CACNA2D3: variants seen among roughly 807,000 people sequenced by gnomAD.
The protein encoded by CACNA2D3 is voltage-dependent calcium channel subunit alpha-2/delta-3.
Under a neutral mutation model 160.6 loss-of-function variants are expected in CACNA2D3, and 60 were observed. That is an observed-to-expected ratio of 0.37 (90% CI 0.30 to 0.46). The LOEUF (loss-of-function observed/expected upper bound fraction) is 0.46. CACNA2D3 is among the 20% of genes least tolerant of loss of function. The pLI, the probability that CACNA2D3 is intolerant of heterozygous loss-of-function variation, is 1.00. For synonymous variants in CACNA2D3, 558 were observed against 492.9 expected (o/e 1.13, Z -1.75); for missense variants, 1,205 against 1,365.0 (o/e 0.88, Z 1.85).
chr3:54,245,325 G>T (rs1284500785), intron 2 of CACNA2D3, among the ~76,000 whole-genome samples: 1 of 152,026 alleles, frequency 6.6e-6, no homozygotes, highest in East Asian at 1.9e-4. Flanking sequence ...GTGTGTGTGT[G>T]TGGGAGAGAG....
At chr3:54,456,579 G>A (rs1304192523) in intron 4 of CACNA2D3, among the ~76,000 whole-genome samples, 1 of 151,784 alleles carries the variant, frequency 6.6e-6, no homozygotes, top group Non-Finnish European at 1.5e-5. Flanking sequence ...TTTGGTTGGT[G>A]TTGTGTCCTT....
chr3:54,363,185 C>G (rs983935289), intron 3 of CACNA2D3, among the ~76,000 whole-genome samples: 1 of 150,346 alleles, frequency 6.7e-6, no homozygotes, highest in South Asian at 2.1e-4. Context: ...TAGAGCGAGA[C>G]TCCATCTCCA....
intron 34 of CACNA2D3, among the ~76,000 whole-genome samples, chr3:55,012,513 T>C (rs1703231827): frequency 6.6e-6 from 1 of 152,144 alleles, no homozygotes; most frequent in South Asian, 2.1e-4. Context: ...ACCACAGACA[T>C]CTAGTCATAC....
chr3:54,479,862 A>G (rs879501448), intron 4 of CACNA2D3, among the ~76,000 whole-genome samples: 1 of 152,238 alleles, frequency 6.6e-6, no homozygotes, highest in Admixed American at 6.5e-5. Flanking sequence ...TTTTACAGGT[A>G]TTCATTTAAG....
intron 4 of CACNA2D3, among the ~76,000 whole-genome samples, chr3:54,430,431 A>C (rs536497565): frequency 6.6e-6 from 1 of 152,228 alleles, no homozygotes; most frequent in Non-Finnish European, 1.5e-5. Flanking sequence ...AAGATTGCCC[A>C]TGGATTATTT....
At chr3:54,127,270 A>C (rs75671542) in intron 2 of CACNA2D3, among the ~76,000 whole-genome samples, 1,577 of 152,344 alleles carry the variant, frequency 0.01, 16 homozygotes, top group African/African-American at 0.033. Context: ...TGGACGCCTC[A>C]TGGAGCACTT....
chr3:54,123,410 G>T, intron 1 of CACNA2D3, 103 bp from the exon 2 acceptor site: 1 of 817,038 alleles, frequency 1.2e-6, no homozygotes, highest in Non-Finnish European at 2.2e-6. Context: ...ATGTTACATC[G>T]CACTGCTCCT....
rs1016852793 is a variant in CACNA2D3, at chr3:54,170,859, A to G, written c.204+47265A>G. ...TTTTATTATTTTGCCATGCCAATAG[A>G]TTCCAGTCATTCTCTAGGCTTTGTC... On this transcript the variant is annotated intron_variant, in intron 2 of 37. Transcript: ENST00000474759. 2.0e-5 allele frequency among the ~76,000 whole-genome samples: 3 copies of G among 152,156 alleles called. No homozygotes were observed. The East Asian group carries it at 5.8e-4, about 29-fold the overall frequency.
At position 54,386,764 on chromosome 3, in the gene CACNA2D3, C is replaced by T. The variant is rs1376977474; in HGVS notation, c.371C>T (p.Ala124Val). 1.3e-6 allele frequency: 2 copies of T among 1,590,042 alleles called. No homozygotes were observed. The highest frequency in any genetic ancestry group is 1.7e-5 in the Admixed American group (1 of 57,350). ...EEAHLKHEFD[A>V]DLQYEYFNAV... ...GCACACCTGAAACATGAATTTGATG[C>T]AGACTTACAGGTAACTGATTATAGT... is the stretch of plus-strand genomic sequence containing the variant. Residue 124 changes from alanine to valine, a missense_variant, in exon 4 of 38, where the codon GCA becomes GTA. Transcript: ENST00000474759.
chr3:54,540,786 A>G (rs1396676093), intron 5 of CACNA2D3, among the ~76,000 whole-genome samples: 1 of 152,130 alleles, frequency 6.6e-6, no homozygotes, highest in Admixed American at 6.5e-5. Context: ...CCCATCTCCT[A>G]GTACCATCAC....
At chr3:54,809,240 CCCTCTCTCTT>C (rs903212008) in intron 13 of CACNA2D3, among the ~76,000 whole-genome samples, 2 of 149,992 alleles carry the variant, frequency 1.3e-5, no homozygotes, top group Admixed American at 6.7e-5. Flanking sequence ...CTCTTTCTCT[CCCTCTCTCTT>C]CCTTTCTTCC....
rs1703697561 is a variant in CACNA2D3, at chr3:54,309,870, C to T, written c.205-10572C>T. 2.0e-5 allele frequency among the ~76,000 whole-genome samples: 3 copies of T among 152,108 alleles called. 1 individual carries two copies. The South Asian group carries it at 6.2e-4, about 32-fold the overall frequency. ...AATCCCTCAAGCCGGATCCATTTGC[C>T]ACATTGAGCCCTGAAGAAGTAGGGG... On this transcript the variant is annotated intron_variant, in intron 2 of 37. Transcript: ENST00000474759.
At chr3:54,938,813 C>T (rs1002433164) in intron 27 of CACNA2D3, among the ~76,000 whole-genome samples, 3 of 152,132 alleles carry the variant, frequency 2.0e-5, no homozygotes, top group Non-Finnish European at 2.9e-5. Context: ...CCATGGCTTG[C>T]GCTAGAAATA....
At chr3:54,393,110 G>GCA (rs1559469409) in intron 4 of CACNA2D3, among the ~76,000 whole-genome samples, 25 of 152,164 alleles carry the variant, frequency 1.6e-4, no homozygotes, top group South Asian at 8.3e-4. Context: ...GAAGGGAAGC[G>GCA]CCTTGCTTCT....
At chr3:54,143,477 C>T (rs915907976) in intron 2 of CACNA2D3, among the ~76,000 whole-genome samples, 21 of 152,148 alleles carry the variant, frequency 1.4e-4, no homozygotes, top group African/African-American at 5.1e-4. Flanking sequence ...TTATTCTGGC[C>T]TTGTCATTGT....
intron 2 of CACNA2D3, among the ~76,000 whole-genome samples, chr3:54,144,865 T>G (rs996284153): frequency 1.3e-5 from 2 of 152,224 alleles, no homozygotes; most frequent in Non-Finnish European, 2.9e-5. Context: ...TTTTACTGTT[T>G]ATTCCAACCT....
intron 2 of CACNA2D3, among the ~76,000 whole-genome samples, chr3:54,139,965 C>T (rs899153710): frequency 1.3e-5 from 2 of 152,158 alleles, no homozygotes; most frequent in Non-Finnish European, 1.5e-5. Context: ...GGAAGCTGGC[C>T]GTGGGTTCGA....
At chr3:54,417,227 A>G (rs975770243) in intron 4 of CACNA2D3, among the ~76,000 whole-genome samples, 2 of 152,212 alleles carry the variant, frequency 1.3e-5, no homozygotes, top group Non-Finnish European at 2.9e-5. Flanking sequence ...CTGACATTTC[A>G]CTTGTTCACA....
intron 4 of CACNA2D3, among the ~76,000 whole-genome samples, chr3:54,497,681 C>T (rs1701222802): frequency 6.6e-6 from 1 of 151,920 alleles, no homozygotes; most frequent in Non-Finnish European, 1.5e-5. Flanking sequence ...TATTCCTGAT[C>T]TTAGGGGGAA....
Sources: gnomAD v4.1 joint callset for allele counts (sites outside exome capture counted in the v4.1 genomes callset) on GRCh38, gnomAD v4.1.1 for gene constraint, MANE v1.5 for transcripts, NCBI Gene and HGNC (gene_info 2026-07-23, HGNC 2026-07-21) for gene names.